The following CPPED1 variants were observed in gnomAD, a reference collection of about 807,000 sequenced individuals.
CPPED1 encodes serine/threonine-protein phosphatase CPPED1.
CPPED1 carries 28 observed loss-of-function variants against 28.0 expected under a neutral mutation model. The ratio of observed to expected loss-of-function variants is 1.00; its 90% CI spans 0.74 to 1.37. The LOEUF (loss-of-function observed/expected upper bound fraction) is 1.37, where lower values mean the gene tolerates loss of function less well. CPPED1 is among the 40% of genes most tolerant of loss of function. CPPED1 has a pLI of 0.00. For synonymous variants in CPPED1, 198 were observed against 180.2 expected, an observed-to-expected ratio of 1.10 and a Z score of -0.79; for missense variants, 504 against 416.5, an observed-to-expected ratio of 1.21 and a Z score of -1.83.
At chr16:12,745,268 A>G (rs188754007) in intron 2 of CPPED1, among the ~76,000 whole-genome samples, 11 of 152,320 alleles carry the variant, frequency 7.2e-5, no homozygotes, top group Non-Finnish European at 1.5e-4. Context: ...AAGAACCTCA[A>G]TGAACTCTGA....
At chr16:12,760,106 C>G (rs1004666948) in intron 2 of CPPED1, among the ~76,000 whole-genome samples, 20 of 152,196 alleles carry the variant, frequency 1.3e-4, no homozygotes, top group Non-Finnish European at 2.5e-4. Flanking sequence ...TTTCAAAAAG[C>G]AGAACTTGAA....
intron 3 of CPPED1, among the ~76,000 whole-genome samples, chr16:12,702,987 G>A (rs932815682): frequency 6.6e-6 from 1 of 150,442 alleles, no homozygotes; most frequent in Non-Finnish European, 1.5e-5. Flanking sequence ...ACTCCAGCCT[G>A]GGTGACAAGA....
At chr16:12,795,337 G>T (rs573157439) in intron 1 of CPPED1, among the ~76,000 whole-genome samples, 1 of 152,042 alleles carries the variant, frequency 6.6e-6, no homozygotes, top group African/African-American at 2.4e-5. Context: ...GCCACCTGGT[G>T]TAGTCATGCA....
At chr16:12,770,735 T>A (rs2080465040) in intron 2 of CPPED1, among the ~76,000 whole-genome samples, 1 of 151,790 alleles carries the variant, frequency 6.6e-6, no homozygotes. Flanking sequence ...GGCAGGAGAA[T>A]CGCTTGAACC....
At chr16:12,716,421 G>A (rs190942113) in intron 2 of CPPED1, among the ~76,000 whole-genome samples, 12 of 152,356 alleles carry the variant, frequency 7.9e-5, no homozygotes, top group Admixed American at 1.3e-4. Context: ...ATTCACTACT[G>A]CCAAGTCCCT....
chr16:12,665,398 G>A (rs773995399), intron 3 of CPPED1, among the ~76,000 whole-genome samples: 1 of 152,092 alleles, frequency 6.6e-6, no homozygotes, highest in East Asian at 1.9e-4. Flanking sequence ...ATGAGAGAAG[G>A]AAGATGAAGT....
At chr16:12,725,778 G>C (rs1241414595) in intron 2 of CPPED1, among the ~76,000 whole-genome samples, 3 of 152,212 alleles carry the variant, frequency 2.0e-5, no homozygotes, top group Non-Finnish European at 4.4e-5. Flanking sequence ...TTTAGCGAGT[G>C]CTTCCATCTG....
intron 2 of CPPED1, among the ~76,000 whole-genome samples, chr16:12,756,225 C>T (rs77908855): frequency 0.021 from 3,267 of 152,194 alleles, 61 homozygotes; most frequent in East Asian, 0.12. Flanking sequence ...GGGAAGGACA[C>T]GCTGTCCATA....
chr16:12,693,851 T>G (rs899183475), intron 3 of CPPED1, among the ~76,000 whole-genome samples: 1 of 152,242 alleles, frequency 6.6e-6, no homozygotes, highest in Admixed American at 6.5e-5. Context: ...CAGACACTGC[T>G]GTTCCCCATG....
intron 2 of CPPED1, among the ~76,000 whole-genome samples, chr16:12,778,993 T>C (rs530745664): frequency 1.3e-5 from 2 of 152,346 alleles, no homozygotes; most frequent in South Asian, 4.1e-4. Flanking sequence ...TTTTAATTTA[T>C]AGTGTTTAAT....
rs1198520350 is a variant in CPPED1 at position 12,664,544 on chromosome 16, T to C, written c.*342A>G. On this transcript the variant is annotated 3_prime_UTR_variant, in exon 4 of 4. Coordinates refer to ENST00000381774, the MANE Select transcript of CPPED1 (RefSeq NM_018340.3). The surrounding 1 kb of genome is among the most constrained non-coding windows in gnomAD (Gnocchi z 4.2). Reference sequence around the variant, plus strand: ...GCTGTCAGATTGGAATTGAGGTCGATAGGCAGACTTTGACCATATGCTAAC... The same window carrying C: ...GCTGTCAGATTGGAATTGAGGTCGACAGGCAGACTTTGACCATATGCTAAC... 3 of 1,091,720 alleles carry C rather than the reference T, an allele frequency of 2.7e-6. No homozygotes were observed. The highest frequency in any genetic ancestry group is 5.7e-5 in the Admixed American group (1 of 17,492). The allele number at this position is 1,091,720 out of a possible 1,614,324, so 67.6% of individuals were successfully genotyped here. A position where few individuals can be genotyped will look rare whatever the true frequency, so the allele number is the denominator to read the frequency against.
Position 12,718,966 on chromosome 16 carries a change from A to G in CPPED1, c.290-13917T>C, listed in dbSNP as rs569723779. On this transcript the variant is annotated intron_variant, in intron 2 of 3. Transcript: ENST00000381774. ...TGGCAGCGCAAGATTCTTAAGCAAA[A>G]AAGTTTCACGGGCTAATAGTTTCAT... is the stretch of plus-strand genomic sequence containing the variant. Among the ~76,000 whole-genome samples the G allele has an allele frequency of 5.3e-5, 8 of 152,200 alleles. No individual in the cohort carries two copies. The East Asian group carries it at 1.5e-3, about 29-fold the overall frequency.
intron 2 of CPPED1, among the ~76,000 whole-genome samples, chr16:12,736,859 G>C (rs1596465308): frequency 6.6e-6 from 1 of 152,136 alleles, no homozygotes; most frequent in Non-Finnish European, 1.5e-5. Flanking sequence ...AACCAAGTGG[G>C]AAGGCAGTGG....
rs562672219 is a variant in CPPED1 at position 12,803,501 on chromosome 16, G to C, written c.70+206C>G. On this transcript the variant is annotated intron_variant, in intron 1 of 3. Coordinates refer to ENST00000381774, the MANE Select transcript of CPPED1 (RefSeq NM_018340.3). ...TAGGTCAAGGCCAAGGAGGCTCCTA[G>C]ACCAGATCGCTCTCTCGGCCTCGCC... Among the ~76,000 whole-genome samples the C allele has an allele frequency of 1.4e-3, 212 of 152,344 alleles. 1 individual carries two copies. Among genetic ancestry groups the C allele is most frequent in the African/African-American group, 4.9e-3 (204 of 41,586 alleles).
At chr16:12,783,832 C>T (rs773887151) in intron 1 of CPPED1, among the ~76,000 whole-genome samples, 1 of 152,158 alleles carries the variant, frequency 6.6e-6, no homozygotes, top group Non-Finnish European at 1.5e-5. Context: ...TTACAATGGG[C>T]CAGAAGTCAA....
At chr16:12,720,043 T>G (rs1473772569) in intron 2 of CPPED1, among the ~76,000 whole-genome samples, 1 of 152,200 alleles carries the variant, frequency 6.6e-6, no homozygotes, top group Non-Finnish European at 1.5e-5. Context: ...CTATCTGTTT[T>G]TATCAGGCCA....
At chr16:12,717,316 T>C (rs2080112329) in intron 2 of CPPED1, among the ~76,000 whole-genome samples, 1 of 152,204 alleles carries the variant, frequency 6.6e-6, no homozygotes, top group Admixed American at 6.5e-5. Context: ...CAGGCTGGAG[T>C]GCAGCGGCGC....
rs147259926 is a variant in CPPED1 at position 12,799,665 on chromosome 16, C to T, written c.70+4042G>A. Reference sequence around the variant, plus strand: ...GCACCTCTCCAAGTTGCCAGCGATGCTAATAGAGTCAGGACCCCGGGGAAT... The same window carrying T: ...GCACCTCTCCAAGTTGCCAGCGATGTTAATAGAGTCAGGACCCCGGGGAAT... On this transcript the variant is annotated intron_variant, in intron 1 of 3. Transcript: ENST00000381774. Among the ~76,000 whole-genome samples, 5 of 152,334 alleles carry T rather than the reference C, an allele frequency of 3.3e-5. No homozygotes were observed. In the East Asian group the frequency reaches 7.7e-4, roughly 24 times the overall value.
chr16:12,691,246 T>G (rs1255846962), intron 3 of CPPED1, among the ~76,000 whole-genome samples: 1 of 152,220 alleles, frequency 6.6e-6, no homozygotes, highest in Non-Finnish European at 1.5e-5. Context: ...AAGCAGTCAT[T>G]ATTACTATTT....
Sources: gnomAD v4.1 joint callset for allele counts (sites outside exome capture counted in the v4.1 genomes callset) on GRCh38, gnomAD v4.1.1 for gene constraint, Gnocchi (gnomAD v3.1) non-coding constraint, MANE v1.5 for transcripts, NCBI Gene and HGNC (gene_info 2026-07-23, HGNC 2026-07-21) for gene names.